C8orf34: variants seen among roughly 807,000 people sequenced by gnomAD.
C8orf34 encodes the protein chromosome 8 open reading frame 34.
C8orf34 carries 65 observed loss-of-function variants against 68.3 expected under a neutral mutation model. The ratio of observed to expected loss-of-function variants is 0.95; its 90% CI spans 0.78 to 1.17. C8orf34 has a LOEUF of 1.17. Ranked by LOEUF, C8orf34 falls within the 50% of genes most tolerant of loss-of-function variation. The pLI is 0.00. For missense variants in C8orf34, 664 were observed against 655.4 expected, an observed-to-expected ratio of 1.01 and a Z score of -0.14; for synonymous variants, 244 against 241.2, an observed-to-expected ratio of 1.01 and a Z score of -0.11.
intron 9 of C8orf34, 94 bp downstream of exon 9, chr8:68,709,173 T>A: frequency 2.2e-6 from 2 of 915,232 alleles, no homozygotes; most frequent in South Asian, 3.0e-5. Context: ...CATCTTGCCT[T>A]GCATGAATTC....
In C8orf34 at chr8:68,361,517, C is replaced by G. The variant is rs111919129; in HGVS notation, c.327+30178C>G. On this transcript the variant is annotated intron_variant, in intron 1 of 13. Coordinates refer to ENST00000518698, the MANE Select transcript of C8orf34 (RefSeq NM_052958.4). The stretch of plus-strand genomic sequence containing the variant: ...GTGCCACTATATCTACCACATTACT[C>G]TATCCAACTATCGCTCATTAGGGGA... Among the ~76,000 whole-genome samples the G allele has an allele frequency of 6.6e-3, 998 of 152,344 alleles. 13 individuals are homozygous for G. Among genetic ancestry groups the G allele is most frequent in the African/African-American group, 0.023 (947 of 41,576 alleles).
chr8:68,749,279 C>G (rs1822623009), intron 10 of C8orf34, among the ~76,000 whole-genome samples: 2 of 151,896 alleles, frequency 1.3e-5, no homozygotes, highest in South Asian at 4.1e-4. Context: ...GGAGATATAC[C>G]TAATGCGAGA....
intron 7 of C8orf34, among the ~76,000 whole-genome samples, chr8:68,604,967 G>A (rs1817812132): frequency 6.6e-6 from 1 of 152,086 alleles, no homozygotes; most frequent in Admixed American, 6.6e-5. Flanking sequence ...TCTGATTAAA[G>A]ACTATCATCC....
intron 8 of C8orf34, among the ~76,000 whole-genome samples, chr8:68,701,198 A>G (rs1333445562): frequency 6.6e-6 from 1 of 151,990 alleles, no homozygotes. Flanking sequence ...TCTCCCCACC[A>G]CTTCAAACAG....
At chr8:68,727,719 G>C (rs1029570609) in intron 10 of C8orf34, among the ~76,000 whole-genome samples, 1 of 152,214 alleles carries the variant, frequency 6.6e-6, no homozygotes, top group Non-Finnish European at 1.5e-5. Flanking sequence ...AGGTGCAAAG[G>C]CTTGGGGCTT....
chr8:68,731,591 C>A (rs1032894060), intron 10 of C8orf34, among the ~76,000 whole-genome samples: 1 of 152,018 alleles, frequency 6.6e-6, no homozygotes, highest in Admixed American at 6.5e-5. Flanking sequence ...TAAGCATATT[C>A]TTTTTTCCCA....
At chr8:68,502,424 A>T (rs76979780) in intron 5 of C8orf34, among the ~76,000 whole-genome samples, 2,997 of 152,326 alleles carry the variant, frequency 0.02, 41 homozygotes, top group Non-Finnish European at 0.03. Flanking sequence ...GCTCGGAGCT[A>T]GCATAAGTAA....
chr8:68,642,200 C>G (rs1350557885), intron 8 of C8orf34, among the ~76,000 whole-genome samples: 1 of 151,876 alleles, frequency 6.6e-6, no homozygotes, highest in Non-Finnish European at 1.5e-5. Context: ...AAGATGGAGG[C>G]CTAAAATAGA....
intron 7 of C8orf34, among the ~76,000 whole-genome samples, chr8:68,612,967 C>T (rs1169634448): frequency 6.6e-6 from 1 of 152,084 alleles, no homozygotes; most frequent in Non-Finnish European, 1.5e-5. Context: ...GCTGACCAGT[C>T]GAGAATTGGC....
chr8:68,657,272 G>A (rs1033749750), intron 8 of C8orf34, among the ~76,000 whole-genome samples: 54 of 152,176 alleles, frequency 3.5e-4, no homozygotes, highest in African/African-American at 1.2e-3. Flanking sequence ...CAAAATTCAC[G>A]TTGAAATCTA....
At chr8:68,809,882 G>A (rs1455291474) in intron 12 of C8orf34, among the ~76,000 whole-genome samples, 1 of 152,158 alleles carries the variant, frequency 6.6e-6, no homozygotes, top group East Asian at 1.9e-4. Flanking sequence ...GCATAATAAA[G>A]ATGGCATGTG....
intron 1 of C8orf34, among the ~76,000 whole-genome samples, chr8:68,391,645 A>G (rs2129620716): frequency 6.6e-6 from 1 of 152,304 alleles, no homozygotes; most frequent in Middle Eastern, 3.4e-3. Context: ...CTGTCAAGTG[A>G]CAGACAGCAA....
At chr8:68,395,847 A>G (rs1339948897) in intron 1 of C8orf34, among the ~76,000 whole-genome samples, 1 of 152,142 alleles carries the variant, frequency 6.6e-6, no homozygotes, top group East Asian at 1.9e-4. Context: ...GTAGAAGACT[A>G]ACATCTATAT....
At chr8:68,584,245 C>T (rs1313162713) in intron 7 of C8orf34, among the ~76,000 whole-genome samples, 1 of 152,094 alleles carries the variant, frequency 6.6e-6, no homozygotes, top group Non-Finnish European at 1.5e-5. Flanking sequence ...ATTTTGCCCC[C>T]AAACTCAACT....
rs557910032 is a variant in C8orf34, at chr8:68,548,141, T to G, written c.1105+14992T>G. Among the ~76,000 whole-genome samples, 411 of 151,730 alleles carry G rather than the reference T, an allele frequency of 2.7e-3. 3 individuals carry two copies. The highest frequency in any genetic ancestry group is 9.4e-3 in the African/African-American group (390 of 41,506). ...AAAACATTGGCCTGGCAAAAATTGT[T>G]TAGAAATAACAAAAATCACTAAAGA... On this transcript the variant is annotated intron_variant, in intron 7 of 13. Transcript: ENST00000518698.
chr8:68,641,465 C>A (rs1369227), intron 8 of C8orf34, among the ~76,000 whole-genome samples: 53,448 of 151,948 alleles, frequency 0.35, 11,405 homozygotes, highest in African/African-American at 0.61. Flanking sequence ...TAGTGAAAAC[C>A]GCAATGGAAA....
At position 68,653,075 on chromosome 8, in the gene C8orf34, A is replaced by G. The variant is rs191805106; in HGVS notation, c.1241+12564A>G. ...TATTTCTGACAAAATACAATTATTT[A>G]TTTGTTTTCAAGTCAAGAAAATATG... is the stretch of plus-strand genomic sequence containing the variant. On this transcript the variant is annotated intron_variant, in intron 8 of 13. Transcript: ENST00000518698. Among the ~76,000 whole-genome samples the G allele has an allele frequency of 5.1e-4, 78 of 152,274 alleles. 1 individual carries two copies. The East Asian group carries it at 0.013, about 25-fold the overall frequency.
At chr8:68,562,989 A>G (rs999954773) in intron 7 of C8orf34, among the ~76,000 whole-genome samples, 1 of 152,194 alleles carries the variant, frequency 6.6e-6, no homozygotes, top group Non-Finnish European at 1.5e-5. Flanking sequence ...TTTGTGGCAC[A>G]GCACTATAAT....
intron 6 of C8orf34, among the ~76,000 whole-genome samples, chr8:68,531,500 T>G (rs912122165): frequency 2.0e-5 from 3 of 152,176 alleles, no homozygotes; most frequent in Non-Finnish European, 2.9e-5. Context: ...AGATTAGATA[T>G]TTTTGGAAAA....
Sources: gnomAD v4.1 joint callset for allele counts (sites outside exome capture counted in the v4.1 genomes callset) on GRCh38, gnomAD v4.1.1 for gene constraint, MANE v1.5 for transcripts, NCBI Gene and HGNC (gene_info 2026-07-23, HGNC 2026-07-21) for gene names.